The following RASGRF2 variants were observed in gnomAD, a reference collection of about 807,000 sequenced individuals.
RASGRF2 encodes Ras protein specific guanine nucleotide releasing factor 2, also known as ras-specific guanine nucleotide-releasing factor 2.
RASGRF2 carries 76 observed loss-of-function variants against 151.0 expected under a neutral mutation model. The ratio of observed to expected loss-of-function variants is 0.50; its 90% CI spans 0.42 to 0.61. RASGRF2 has a LOEUF of 0.61. Among genes scored for constraint, RASGRF2 ranks in the 20% least tolerant of loss-of-function variants. The probability of loss-of-function intolerance (pLI) is 0.00; values close to 1 mark genes in which losing one functional copy is unlikely to be tolerated. For missense variants in RASGRF2, 1,148 were observed against 1,564.6 expected (o/e 0.73, Z 4.49); for synonymous variants, 504 against 566.5 (o/e 0.89, Z 1.57).
intron 1 of RASGRF2, among the ~76,000 whole-genome samples, chr5:80,995,690 C>CCA (rs992469385): frequency 3.1e-5 from 4 of 130,100 alleles, no homozygotes; most frequent in South Asian, 2.9e-4. Context: ...TCCTTCCCCC[C>CCA]CCCTTTTTTT....
intron 1 of RASGRF2, among the ~76,000 whole-genome samples, chr5:81,000,011 C>T (rs1250560932): frequency 6.6e-6 from 1 of 152,096 alleles, no homozygotes; most frequent in Non-Finnish European, 1.5e-5. Flanking sequence ...TCTGGGACCT[C>T]TGCTGGGGCT....
intron 1 of RASGRF2, among the ~76,000 whole-genome samples, chr5:80,980,763 T>G (rs1455628442): frequency 2.0e-5 from 3 of 152,240 alleles, no homozygotes; most frequent in African/African-American, 7.2e-5. Context: ...CTAACTGTGA[T>G]GTTTAGATGA....
intron 17 of RASGRF2, among the ~76,000 whole-genome samples, chr5:81,158,976 A>G (rs77451278): frequency 0.022 from 3,332 of 152,300 alleles, 118 homozygotes; most frequent in African/African-American, 0.075. Flanking sequence ...ATGTTCCTAC[A>G]AAAACCTATA....
chr5:80,994,353 G>A (rs571559309), intron 1 of RASGRF2, among the ~76,000 whole-genome samples: 243 of 113,794 alleles, frequency 2.1e-3, no homozygotes, highest in Middle Eastern at 5.8e-3. Context: ...GCGACAGAGC[G>A]ACACTCTGTC....
At chr5:81,145,719 C>T (rs1218024225) in intron 17 of RASGRF2, among the ~76,000 whole-genome samples, 3 of 152,220 alleles carry the variant, frequency 2.0e-5, no homozygotes, top group African/African-American at 7.2e-5. Flanking sequence ...CCCGTAGCCC[C>T]AGCACAGCCT....
intron 17 of RASGRF2, among the ~76,000 whole-genome samples, chr5:81,132,775 C>A (rs535733663): frequency 1.2e-3 from 177 of 152,288 alleles, no homozygotes; most frequent in African/African-American, 4.1e-3. Flanking sequence ...CATCATTGAT[C>A]TACAAATTAG....
chr5:81,157,083 C>T lies in RASGRF2; in HGVS notation c.2687-23092C>T, dbSNP rs997859798. Reference sequence around the variant, plus strand: ...CAACATCATTAAAAAGAATCAACTACGGCTGGGCGCGGTGGCTCACACTTG... The same window carrying T: ...CAACATCATTAAAAAGAATCAACTATGGCTGGGCGCGGTGGCTCACACTTG... On this transcript the variant is annotated intron_variant, in intron 17 of 26. Coordinates refer to ENST00000265080, the MANE Select transcript of RASGRF2 (RefSeq NM_006909.3). 1.7e-4 allele frequency among the ~76,000 whole-genome samples: 26 copies of T among 152,032 alleles called. 1 individual carries two copies. Among genetic ancestry groups the T allele is most frequent in the African/African-American group, 5.3e-4 (22 of 41,394 alleles).
intron 2 of RASGRF2, among the ~76,000 whole-genome samples, chr5:81,061,810 C>A (rs915274669): frequency 2.6e-5 from 4 of 151,756 alleles, no homozygotes; most frequent in African/African-American, 9.7e-5. Flanking sequence ...CCTTGGCCCC[C>A]CAAGTAGCTG....
At chr5:81,113,239 C>T (rs953841703) in intron 14 of RASGRF2, 23 of 496,088 alleles carry the variant, frequency 4.6e-5, no homozygotes, top group Non-Finnish European at 6.7e-5. Flanking sequence ...ATTGCTGGCT[C>T]TGATTCAGCA....
At chr5:81,218,976 A>G (rs528031735) in intron 25 of RASGRF2, among the ~76,000 whole-genome samples, 1 of 152,140 alleles carries the variant, frequency 6.6e-6, no homozygotes, top group East Asian at 1.9e-4. Context: ...TGGCAAAGCC[A>G]TTTCAGCATC....
intron 1 of RASGRF2, among the ~76,000 whole-genome samples, chr5:81,035,352 T>C (rs1750446956): frequency 6.6e-6 from 1 of 152,166 alleles, no homozygotes; most frequent in Non-Finnish European, 1.5e-5. Context: ...CTGTGCATAC[T>C]ATCACAAGGA....
chr5:80,962,902 C>A (rs1747609816), intron 1 of RASGRF2, among the ~76,000 whole-genome samples: 1 of 152,190 alleles, frequency 6.6e-6, no homozygotes, highest in Admixed American at 6.5e-5. Flanking sequence ...TTTTATTCAT[C>A]TTCAAGAGGT....
At chr5:80,988,812 G>A (rs1230625110) in intron 1 of RASGRF2, among the ~76,000 whole-genome samples, 1 of 152,050 alleles carries the variant, frequency 6.6e-6, no homozygotes, top group Admixed American at 6.6e-5. Context: ...ATAAATAATA[G>A]CCATTATGTA....
intron 1 of RASGRF2, among the ~76,000 whole-genome samples, chr5:80,992,949 T>G (rs1748701105): frequency 6.6e-6 from 1 of 152,224 alleles, no homozygotes; most frequent in African/African-American, 2.4e-5. Context: ...TTCATAATGT[T>G]GAAAAGATTA....
Position 81,229,750 on chromosome 5 carries a change from C to T in RASGRF2, c.*3980C>T, listed in dbSNP as rs1756071350. The T allele has an allele frequency of 6.6e-6, 1 of 152,238 alleles. No homozygotes were observed. Among genetic ancestry groups the T allele is most frequent in the Non-Finnish European group, 1.5e-5 (1 of 68,048 alleles). The allele number at this position is 152,238 out of a possible 1,614,324, so 9.4% of individuals were successfully genotyped here. The stretch of plus-strand genomic sequence containing the variant: ...CCCGGCCCTGAGTCCTAGGCCCAGT[C>T]TCCAACTGGAAAACCTTAGGCTGGT... On this transcript the variant is annotated 3_prime_UTR_variant, in exon 27 of 27. Coordinates refer to ENST00000265080, the MANE Select transcript of RASGRF2 (RefSeq NM_006909.3).
intron 7 of RASGRF2, among the ~76,000 whole-genome samples, chr5:81,083,218 G>T (rs1561599304): frequency 6.6e-6 from 1 of 151,618 alleles, no homozygotes; most frequent in Non-Finnish European, 1.5e-5. Flanking sequence ...CTGCATGTTT[G>T]CCTTGCTCCC....
intron 25 of RASGRF2, among the ~76,000 whole-genome samples, chr5:81,219,403 T>C (rs6866499): frequency 0.18 from 27,268 of 152,130 alleles, 2,747 homozygotes; most frequent in Admixed American, 0.27. Context: ...TTCTAAGCAC[T>C]AAGCTAGAAG....
chr5:81,039,757 T>A (rs1391417643), intron 1 of RASGRF2, among the ~76,000 whole-genome samples: 1 of 152,224 alleles, frequency 6.6e-6, no homozygotes, highest in Non-Finnish European at 1.5e-5. Flanking sequence ...CACATGATTA[T>A]ATTTATTAAT....
At chr5:81,096,216 T>C (rs1752544691) in intron 12 of RASGRF2, 1 of 152,160 alleles carries the variant, frequency 6.6e-6, no homozygotes, top group Non-Finnish European at 1.5e-5. Context: ...GAAATGAAAA[T>C]ATGGGATCTT....
Sources: gnomAD v4.1 joint callset for allele counts (sites outside exome capture counted in the v4.1 genomes callset) on GRCh38, gnomAD v4.1.1 for gene constraint, MANE v1.5 for transcripts, NCBI Gene and HGNC (gene_info 2026-07-23, HGNC 2026-07-21) for gene names.